Variants in GSAP observed in about 807,000 individuals in gnomAD.
GSAP encodes the protein gamma-secretase-activating protein.
In GSAP, 118 loss-of-function variants were observed where a neutral mutation model predicts 131.7. The observed-to-expected ratio is 0.90, with a 90% CI of 0.77 to 1.04. The LOEUF (loss-of-function observed/expected upper bound fraction) is 1.04, where lower values mean the gene tolerates loss of function less well. Among genes scored for constraint, GSAP ranks in the 50% least tolerant of loss-of-function variants. The pLI, the probability that GSAP is intolerant of heterozygous loss-of-function variation, is 0.00. For synonymous variants in GSAP, 381 were observed against 363.4 expected (o/e 1.05, Z -0.55); for missense variants, 1,019 against 1,013.2 (o/e 1.01, Z -0.08).
At chr7:77,391,290 A>T (rs1799494952) in intron 5 of GSAP, among the ~76,000 whole-genome samples, 1 of 152,242 alleles carries the variant, frequency 6.6e-6, no homozygotes, top group East Asian at 1.9e-4. Context: ...TTTCTACACT[A>T]ATTTTTCCCT....
At chr7:77,340,152 G>A (rs76110135) in intron 19 of GSAP, among the ~76,000 whole-genome samples, 2 of 152,096 alleles carry the variant, frequency 1.3e-5, no homozygotes, top group African/African-American at 2.4e-5. Flanking sequence ...GAAGCTCCCC[G>A]ACTGAGCACC....
chr7:77,360,155 A>G (rs1430229968), intron 14 of GSAP, among the ~76,000 whole-genome samples: 1 of 152,228 alleles, frequency 6.6e-6, no homozygotes, highest in Non-Finnish European at 1.5e-5. Flanking sequence ...TCTAAACCTG[A>G]AACTCCTTTT....
intron 12 of GSAP, 108 bp from the exon 13 acceptor site, chr7:77,362,768 T>C: frequency 4.5e-6 from 3 of 664,430 alleles, no homozygotes; most frequent in Non-Finnish European, 8.1e-6. Flanking sequence ...CTGTCTCATC[T>C]TACCTCATAG....
intron 12 of GSAP, among the ~76,000 whole-genome samples, chr7:77,365,397 C>A (rs1440861907): frequency 2.6e-5 from 4 of 152,130 alleles, no homozygotes; most frequent in Admixed American, 6.5e-5. Context: ...ACCCTCCACT[C>A]TCAAGAAGAC....
chr7:77,408,195 C>T (rs1802631239), intron 1 of GSAP, among the ~76,000 whole-genome samples: 1 of 152,144 alleles, frequency 6.6e-6, no homozygotes, highest in African/African-American at 2.4e-5. Context: ...AACTTGTGTC[C>T]TTGTCTATAT....
chr7:77,366,282 T>C (rs1563041036), intron 12 of GSAP, among the ~76,000 whole-genome samples: 1 of 152,210 alleles, frequency 6.6e-6, no homozygotes, highest in African/African-American at 2.4e-5. Context: ...TGATTACTTT[T>C]GATGTCTTTG....
chr7:77,349,342 G>A lies in GSAP; in HGVS notation c.1545+9C>T. The A allele has an allele frequency of 3.1e-6, 5 of 1,598,852 alleles. No individual in the cohort carries two copies. The highest frequency in any genetic ancestry group is 1.3e-5 in the African/African-American group (1 of 74,708). On this transcript the variant is annotated intron_variant, in intron 19 of 30. Coordinates refer to ENST00000257626, the MANE Select transcript of GSAP (RefSeq NM_017439.4). ...TCTGTACTTTTGTTTCTTGCTGTAA[G>A]GGACCTACCTTCATAAGAGGCAATG...
intron 5 of GSAP, among the ~76,000 whole-genome samples, chr7:77,390,219 T>G (rs1799256587): frequency 6.6e-6 from 1 of 152,162 alleles, no homozygotes; most frequent in Non-Finnish European, 1.5e-5. Flanking sequence ...GAAAATTTTC[T>G]CCCATTCTGT....
At chr7:77,406,608 G>A (rs868376278) in intron 1 of GSAP, among the ~76,000 whole-genome samples, 1 of 152,300 alleles carries the variant, frequency 6.6e-6, no homozygotes, top group Admixed American at 6.5e-5. Context: ...CTTTTTAACA[G>A]TCAAGCTTTT....
chr7:77,388,607 A>G (rs1312692791), intron 5 of GSAP, among the ~76,000 whole-genome samples: 1 of 152,216 alleles, frequency 6.6e-6, no homozygotes, highest in African/African-American at 2.4e-5. Flanking sequence ...CTTATATTTG[A>G]GCTTTTATTG....
Position 77,313,497 on chromosome 7 carries a change from C to T in GSAP, c.2262G>A (p.Arg754=). The T allele has an allele frequency of 6.4e-7, 1 of 1,551,688 alleles. No homozygotes were observed. The highest frequency in any genetic ancestry group is 8.9e-7 in the Non-Finnish European group (1 of 1,124,808). ...NEKLKFSIIV[R]LPPLIGQKIC... Reference sequence around the variant, plus strand: ...TGTAACTCAGTATTACCGGAGGAAGCCGCACAATGATACTGAATTTCAGTT... The same window carrying T: ...TGTAACTCAGTATTACCGGAGGAAGTCGCACAATGATACTGAATTTCAGTT... The change falls in exon 28 of 31, where the codon CGG becomes CGA. Residue 754 remains arginine (R), a synonymous_variant. Transcript: ENST00000257626.
Position 77,381,325 on chromosome 7 carries a change from G to T in GSAP, c.556C>A (p.Gln186Lys). The T allele has an allele frequency of 6.4e-7, 1 of 1,557,384 alleles. No homozygotes were observed. The highest frequency in any genetic ancestry group is 8.7e-7 in the Non-Finnish European group (1 of 1,145,976). ...YIEQFRIHVA[Q>K]EDGNRVVIKN... The stretch of plus-strand genomic sequence containing the variant: ...TTTACCACTCTATTTCCATCTTCTT[G>T]GGCGACATGGATACGAAATTGTTCA... Residue 186 changes from glutamine to lysine, a missense_variant, in exon 8 of 31, where the codon CAA becomes AAA. Physicochemically the swap from Gln to Lys is moderately conservative, Grantham distance 53 (BLOSUM62 1). Transcript: ENST00000257626.
At chr7:77,365,478 A>G (rs1795152062) in intron 12 of GSAP, among the ~76,000 whole-genome samples, 1 of 152,204 alleles carries the variant, frequency 6.6e-6, no homozygotes, top group East Asian at 1.9e-4. Context: ...TGAGAACACT[A>G]GGTATTTCGT....
Position 77,396,975 on chromosome 7 carries a change from T to C in GSAP, c.367+7A>G, listed in dbSNP as rs1412770184. On this transcript the variant is annotated splice_region_variant and intron_variant, in intron 5 of 30. Coordinates refer to ENST00000257626, the MANE Select transcript of GSAP (RefSeq NM_017439.4). Reference sequence around the variant, plus strand: ...CCCATAGGTACTAAAAAGTGTAATTTCATTACCTGGTTGAAGTTCGTTCCT... The same window carrying C: ...CCCATAGGTACTAAAAAGTGTAATTCCATTACCTGGTTGAAGTTCGTTCCT... 1 of 1,563,840 alleles carries C rather than the reference T, an allele frequency of 6.4e-7. No homozygotes were observed. The highest frequency in any genetic ancestry group is 1.1e-5 in the South Asian group (1 of 88,806).
rs1584240972 is a variant in GSAP, at chr7:77,321,412, T to G, written c.1924-9A>C. 1.3e-6 allele frequency: 2 copies of G among 1,580,528 alleles called. No homozygotes were observed. The highest frequency in any genetic ancestry group is 1.7e-6 in the Non-Finnish European group (2 of 1,149,646). On this transcript the variant is annotated splice_polypyrimidine_tract_variant and intron_variant, in intron 24 of 30. Transcript: ENST00000257626. ...TGGCAAATGAGATCCAGCTGGAGGGTGAAGACAGTCCATTAACCATTGCTC... is the reference window on the plus strand; with the variant it reads ...TGGCAAATGAGATCCAGCTGGAGGGGGAAGACAGTCCATTAACCATTGCTC...
chr7:77,369,015 G>A (rs1229527606), intron 12 of GSAP, among the ~76,000 whole-genome samples: 1 of 152,160 alleles, frequency 6.6e-6, no homozygotes, highest in African/African-American at 2.4e-5. Flanking sequence ...AAACTACTGT[G>A]GACAAAGTTT....
intron 11 of GSAP, among the ~76,000 whole-genome samples, chr7:77,374,667 A>G (rs951740661): frequency 1.1e-4 from 17 of 152,102 alleles, no homozygotes; most frequent in African/African-American, 3.9e-4. Context: ...AAACCAATTA[A>G]TTCAGCTGAG....
At chr7:77,398,085 A>G (rs1182552152) in intron 3 of GSAP, among the ~76,000 whole-genome samples, 1 of 152,190 alleles carries the variant, frequency 6.6e-6, no homozygotes, top group East Asian at 1.9e-4. Context: ...GATGTGATGT[A>G]GAGATTGAGG....
chr7:77,405,879 A>G (rs1802173539), intron 2 of GSAP, 150 bp downstream of exon 2: 3 of 284,562 alleles, frequency 1.1e-5, no homozygotes, highest in African/African-American at 6.9e-5. Context: ...AGTCTCACAC[A>G]CACAAAGTCA....
Sources: allele counts gnomAD v4.1 joint callset (sites outside exome capture counted in the v4.1 genomes callset), GRCh38; gene constraint gnomAD v4.1.1; transcripts MANE v1.5; gene names NCBI Gene and HGNC (gene_info 2026-07-23, HGNC 2026-07-21).